The following ZNF117 variants were observed in gnomAD, a reference collection of about 807,000 sequenced individuals.
The protein encoded by ZNF117 is Krueppel-related zinc finger protein.
Under a neutral mutation model 41.2 loss-of-function variants are expected in ZNF117, and 37 were observed. The ratio of observed to expected loss-of-function variants is 0.90; its 90% CI spans 0.69 to 1.18. ZNF117 has a LOEUF of 1.18. Among genes scored for constraint, ZNF117 ranks in the 50% most tolerant of loss-of-function variants. The probability of loss-of-function intolerance (pLI) is 0.00; values close to 1 mark genes in which losing one functional copy is unlikely to be tolerated. For missense variants in ZNF117, 546 were observed against 557.5 expected (o/e 0.98, Z 0.21); for synonymous variants, 186 against 186.6 (o/e 1.00, Z 0.02).
At chr7:64,985,950 C>CAAAAAAAAAAAA (rs66524694), upstream of ZNF117, among the ~76,000 whole-genome samples, 8 of 82,164 alleles carry the variant, frequency 9.7e-5, no homozygotes, top group Non-Finnish European at 1.3e-4. Context: ...GACTCCATCT[C>CAAAAAAAAAAAA]AAAAAAAAAA....
exon 3 of ZNF117, chr7:64,975,591 A>G (rs1228225529): frequency 6.9e-6 from 1 of 145,530 alleles, no homozygotes; most frequent in Non-Finnish European, 1.5e-5. Context: ...TGAATACAAT[A>G]GAATGAAAAG....
chr7:64,984,974 T>A (rs552990302), upstream of ZNF117, among the ~76,000 whole-genome samples: 4 of 151,644 alleles, frequency 2.6e-5, no homozygotes, highest in Non-Finnish European at 4.4e-5. Context: ...TATTTTTTAG[T>A]AGAGATGGAG....
In ZNF117 at chr7:64,989,448, T is replaced by TATATATAC. The variant is rs1183425064; in HGVS notation, c.-196+498_-196+499insGTATATAT. 6.8e-3 allele frequency among the ~76,000 whole-genome samples: 63 copies of TATATATAC among 9,256 alleles called. 2 individuals carry two copies. The highest frequency in any genetic ancestry group is 0.012 in the Admixed American group (14 of 1,174). The allele number at this position is 9,256 out of a possible 152,430, so 6.1% of individuals were successfully genotyped here. A position where few individuals can be genotyped will look rare whatever the true frequency, so the allele number is the denominator to read the frequency against. On this transcript the variant is annotated intron_variant, in intron 1 of 3. Transcript: ENST00000282869. ...CTTAAATGTAGAACTTAAAATTATATATATATATATATATATATATATATA... is the reference window on the plus strand; with the variant it reads ...CTTAAATGTAGAACTTAAAATTATATATATATACATATATATATATATATATATATATA...
At position 64,979,268 on chromosome 7, in the gene ZNF117, CATCTT is replaced by C; in HGVS notation, c.298_302del (p.Lys100GlufsTer4). On this transcript the variant is annotated frameshift_variant, in exon 3 of 3. Transcript: ENST00000620222. LOFTEE classifies it high-confidence loss of function. ...TAAAATGTTTATTTTCAGTATGTCT[CATCTT>C]GTGTCTATTTGAATTTGAAATTTTA... 6.3e-7 allele frequency: 1 copy of C among 1,595,408 alleles called. No individual in the cohort carries two copies. The highest frequency in any genetic ancestry group is 8.5e-7 in the Non-Finnish European group (1 of 1,173,304).
chr7:64,989,902 T>C (rs1786226669), intron 1 of ZNF117, 45 bp downstream of exon 1: 1 of 151,964 alleles, frequency 6.6e-6, no homozygotes, highest in Non-Finnish European at 1.5e-5. Context: ...TGAAACCCCA[T>C]CTCTAATAAA....
intron 2 of ZNF117, 159 bp downstream of exon 3, chr7:64,981,228 C>T (rs1218051589): frequency 1.1e-6 from 1 of 888,986 alleles, no homozygotes; most frequent in Non-Finnish European, 1.7e-6. Flanking sequence ...AAAAACAATA[C>T]AAAATATGTT....
At chr7:64,987,184 G>C (rs946753784) in intron 1 of ZNF117, among the ~76,000 whole-genome samples, 2 of 152,094 alleles carry the variant, frequency 1.3e-5, no homozygotes, top group Non-Finnish European at 2.9e-5. Flanking sequence ...TAAACAACCT[G>C]CATCTGAATA....
exon 3 of ZNF117, chr7:64,975,092 G>T (rs565044146): frequency 6.6e-6 from 1 of 151,908 alleles, no homozygotes; most frequent in African/African-American, 2.4e-5. Context: ...TATTAGAGAT[G>T]TTAGTCCACT....
exon 1 of ZNF117, chr7:64,989,947 C>T (rs1307490968): frequency 6.6e-6 from 1 of 152,014 alleles, no homozygotes; most frequent in Non-Finnish European, 1.5e-5. Context: ...TGTCACGCAC[C>T]TGTGATCCCA....
downstream of ZNF117, chr7:64,973,708 AAAG>A (rs993714432): frequency 1.3e-5 from 2 of 151,970 alleles, no homozygotes; most frequent in Non-Finnish European, 2.9e-5. Flanking sequence ...TCACATAGAA[AAAG>A]AAGGAGAAGG....
At chr7:64,975,583 AATAC>A (rs1562981862) in exon 3 of ZNF117, 1 of 2,780 alleles carries the variant, frequency 3.6e-4, no homozygotes, top group East Asian at 8.1e-3. Context: ...TTCACATGTG[AATAC>A]AATAGAATGA....
chr7:64,975,227 A>AAAG (rs543581966), exon 3 of ZNF117: 1,632 of 152,132 alleles, frequency 0.011, 26 homozygotes, highest in African/African-American at 0.037. Flanking sequence ...TGTTAAAAAA[A>AAAG]AAGTTTAATT....
At chr7:64,974,457 T>C (rs1785835469) in exon 3 of ZNF117, 1 of 151,930 alleles carries the variant, frequency 6.6e-6, no homozygotes, top group Non-Finnish European at 1.5e-5. Context: ...TTTTTGAAGT[T>C]TTCAGTTGTC....
At chr7:64,988,912 G>A (rs143958205) in intron 1 of ZNF117, among the ~76,000 whole-genome samples, 1,535 of 152,034 alleles carry the variant, frequency 0.01, 12 homozygotes, top group Non-Finnish European at 0.016. Flanking sequence ...TCTACAACAA[G>A]AATTACAAAA....
chr7:64,988,043 C>G (rs989988041), intron 1 of ZNF117, among the ~76,000 whole-genome samples: 2 of 152,036 alleles, frequency 1.3e-5, no homozygotes, highest in African/African-American at 2.4e-5. Context: ...AGAGCTGGTA[C>G]CATTCCTTCT....
chr7:64,982,175 G>A (rs528212029), upstream of ZNF117: 34 of 586,108 alleles, frequency 5.8e-5, no homozygotes, highest in East Asian at 1.1e-3. Flanking sequence ...AAGTGGCCAT[G>A]GGCATAATTT....
exon 3 of ZNF117, chr7:64,974,804 A>C (rs1429154737): frequency 6.6e-6 from 1 of 151,922 alleles, no homozygotes; most frequent in African/African-American, 2.4e-5. Flanking sequence ...ATAGCAATTT[A>C]CTTGTACATT....
exon 3 of ZNF117, chr7:64,975,704 T>G (rs969826108): frequency 6.6e-6 from 1 of 152,138 alleles, no homozygotes; most frequent in Non-Finnish European, 1.5e-5. Flanking sequence ...CTAAAAATAT[T>G]TCTACCTCTT....
chr7:64,973,799 T>C (rs187602869), downstream of ZNF117: 1 of 152,028 alleles, frequency 6.6e-6, no homozygotes, highest in East Asian at 1.9e-4. Flanking sequence ...AACCAAAATT[T>C]CTTTTTAAAT....
Sources: gnomAD v4.1 joint callset for allele counts (sites outside exome capture counted in the v4.1 genomes callset) on GRCh38, gnomAD v4.1.1 for gene constraint, MANE v1.5 for transcripts, NCBI Gene and HGNC (gene_info 2026-07-23, HGNC 2026-07-21) for gene names.